CUX1: variants seen among roughly 807,000 people sequenced by gnomAD.
CUX1 encodes the protein protein CASP.
CUX1 carries 31 observed loss-of-function variants against 158.8 expected under a neutral mutation model. That is an observed-to-expected ratio of 0.20 (90% CI 0.15 to 0.26). The LOEUF is 0.26. Ranked by LOEUF, CUX1 falls within the 10% of genes least tolerant of loss-of-function variation. The pLI is 1.00. For missense variants in CUX1, 1,589 were observed against 2,014.6 expected, an observed-to-expected ratio of 0.79 and a Z score of 4.04; for synonymous variants, 879 against 862.1, an observed-to-expected ratio of 1.02 and a Z score of -0.34.
intron 2 of CUX1, among the ~76,000 whole-genome samples, chr7:101,944,784 C>T (rs987420397): frequency 1.7e-4 from 26 of 152,086 alleles, no homozygotes; most frequent in Non-Finnish European, 7.4e-5. Context: ...AGACCTGCAG[C>T]GGTCACCTCG....
intron 8 of CUX1, among the ~76,000 whole-genome samples, chr7:102,132,605 T>C (rs1309302398): frequency 2.6e-5 from 4 of 151,904 alleles, no homozygotes; most frequent in Non-Finnish European, 5.9e-5. Context: ...AGTTCCGCCT[T>C]CTTGCAACAT....
intron 14 of CUX1, among the ~76,000 whole-genome samples, chr7:102,272,349 TC>T (rs782170771): frequency 2.0e-5 from 3 of 152,146 alleles, no homozygotes; most frequent in Non-Finnish European, 2.9e-5. Context: ...ACATACCATT[TC>T]CCTGGCACTG....
At chr7:102,016,787 A>G (rs1233566898) in intron 2 of CUX1, among the ~76,000 whole-genome samples, 1 of 152,204 alleles carries the variant, frequency 6.6e-6, no homozygotes, top group Non-Finnish European at 1.5e-5. Flanking sequence ...ATTCTTACGG[A>G]TAGACTCCTG....
intron 1 of CUX1, among the ~76,000 whole-genome samples, chr7:101,914,683 C>G (rs561544226): frequency 4.0e-5 from 6 of 151,758 alleles, no homozygotes; most frequent in Admixed American, 2.0e-4. Context: ...ATTTTTAGTA[C>G]AGACAGGGTT....
chr7:102,213,549 C>T (rs1554523764), intron 20 of CUX1, among the ~76,000 whole-genome samples: 1 of 152,214 alleles, frequency 6.6e-6, no homozygotes, highest in Non-Finnish European at 1.5e-5. Context: ...TGAAAAGGCC[C>T]GACAGGCCCA....
intron 3 of CUX1, among the ~76,000 whole-genome samples, chr7:102,050,044 C>T (rs1003895935): frequency 2.9e-4 from 44 of 152,276 alleles, no homozygotes; most frequent in African/African-American, 1.1e-3. Flanking sequence ...GGAGCAGACT[C>T]CCGGGGTGTA....
rs145408393 is a variant in CUX1, at chr7:102,201,667, C to T, written c.2370C>T (p.Asp790=). ...CGGCCCTCAAAAAGGAGGCCCAGGACGCCCCCGGGCTGGACCCCCAGGGAG... is the reference window on the plus strand; with the variant it reads ...CGGCCCTCAAAAAGGAGGCCCAGGATGCCCCCGGGCTGGACCCCCAGGGAG... ...NPPALKKEAQ[D]APGLDPQGAA... Residue 790 remains aspartate (D), a synonymous_variant, in exon 18 of 24, where the codon GAC becomes GAT. Transcript: ENST00000292535. The surrounding 1 kb of genome is among the most constrained non-coding windows in gnomAD (Gnocchi z 5.0). The T allele has an allele frequency of 2.4e-5, 39 of 1,612,870 alleles. No homozygotes were observed. Among genetic ancestry groups the T allele is most frequent in the African/African-American group, 1.2e-4 (9 of 74,932 alleles).
chr7:102,065,579 T>C (rs1020216353), intron 3 of CUX1, among the ~76,000 whole-genome samples: 5 of 152,184 alleles, frequency 3.3e-5, no homozygotes, highest in African/African-American at 1.2e-4. Flanking sequence ...AGAAACCTCA[T>C]GGTCCATTTG....
Position 102,249,025 on chromosome 7 carries a change from A to G in CUX1, c.4501A>G (p.Ile1501Val). The change falls in exon 24 of 24, where the codon ATC (isoleucine) becomes GTC (valine). Residue 1501 changes from isoleucine to valine, a missense_variant. Physicochemically the swap from Ile to Val is conservative, Grantham distance 29. Around this residue, in one of 8 missense-constraint regions of CUX1, gnomAD observed 344 missense variants for 323.7 expected, o/e 1.06. Coordinates refer to ENST00000292535, the MANE Select transcript of CUX1 (RefSeq NM_181552.4). Reference protein sequence around the residue: ...LEKAASREEPIEWEF With the variant: ...LEKAASREEPVEWEF Reference sequence around the variant, plus strand: ...GAAGGCCGCCAGCCGGGAGGAACCTATCGAATGGGAGTTCTGAGGGGCCGC... The same window carrying G: ...GAAGGCCGCCAGCCGGGAGGAACCTGTCGAATGGGAGTTCTGAGGGGCCGC... The G allele has an allele frequency of 7.3e-7, 1 of 1,367,084 alleles. No homozygotes were observed. The highest frequency in any genetic ancestry group is 1.6e-5 in the South Asian group (1 of 62,464). 84.7% of individuals were successfully genotyped at this position (1,367,084 alleles called of 1,614,324 possible).
intron 3 of CUX1, among the ~76,000 whole-genome samples, chr7:102,067,226 TAA>T (rs1316068089): frequency 8.0e-6 from 1 of 125,100 alleles, no homozygotes; most frequent in Non-Finnish European, 1.6e-5. Context: ...GCATTTCATG[TAA>T]CTTTTTTTTT....
intron 2 of CUX1, among the ~76,000 whole-genome samples, chr7:101,970,057 C>T (rs977000382): frequency 8.6e-5 from 13 of 151,622 alleles, no homozygotes; most frequent in African/African-American, 3.2e-4. Context: ...TATTCCCTCC[C>T]AGGGCATAAT....
intron 3 of CUX1, among the ~76,000 whole-genome samples, chr7:102,063,306 G>T (rs1209580381): frequency 6.6e-6 from 1 of 151,926 alleles, no homozygotes. Flanking sequence ...CCAGCCAAGT[G>T]GCTGTCATCA....
intron 8 of CUX1, among the ~76,000 whole-genome samples, chr7:102,142,738 A>G (rs1834599003): frequency 6.6e-6 from 1 of 151,988 alleles, no homozygotes; most frequent in African/African-American, 2.4e-5. Flanking sequence ...CCTGGCCAAC[A>G]TAGTGAGACC....
intron 20 of CUX1, among the ~76,000 whole-genome samples, chr7:102,214,202 G>A (rs1796822026): frequency 6.6e-6 from 1 of 152,042 alleles, no homozygotes; most frequent in African/African-American, 2.4e-5. Context: ...CCAAGGCTCA[G>A]AGATAAAAGG....
At chr7:102,138,693 A>G (rs556661619) in intron 8 of CUX1, among the ~76,000 whole-genome samples, 42 of 152,304 alleles carry the variant, frequency 2.8e-4, no homozygotes, top group Admixed American at 2.4e-3. Context: ...TGGACCTACA[A>G]ATTCCTGCTG....
chr7:102,253,746 T>C lies in CUX1; in HGVS notation c.*4704T>C. On this transcript the variant is annotated 3_prime_UTR_variant, in exon 24 of 24. Coordinates refer to ENST00000292535, the MANE Select transcript of CUX1 (RefSeq NM_181552.4). ...AAAAACAAAAGCCCATAGACCTTAC[T>C]CATCCCAAGGCCGACAAGCCAGCTG... is the stretch of plus-strand genomic sequence containing the variant. 1.0e-6 allele frequency: 1 copy of C among 985,436 alleles called. No individual in the cohort carries two copies. The allele number at this position is 985,436 out of a possible 1,614,324, so 61.0% of individuals were successfully genotyped here. A position where few individuals can be genotyped will look rare whatever the true frequency, so the allele number is the denominator to read the frequency against.
At chr7:102,177,383 C>T in intron 10 of CUX1, among the ~76,000 whole-genome samples, 1 of 148,762 alleles carries the variant, frequency 6.7e-6, no homozygotes, top group African/African-American at 2.5e-5. Flanking sequence ...CACTGCACTC[C>T]AGCCTGGGCG....
At chr7:101,920,834 G>A (rs568595663) in intron 2 of CUX1, among the ~76,000 whole-genome samples, 2 of 152,242 alleles carry the variant, frequency 1.3e-5, no homozygotes, top group African/African-American at 4.8e-5. Flanking sequence ...GCGGTGGAGT[G>A]TTTCTAGGGT....
At chr7:102,282,987 A>G in intron 22 of CUX1, 1 of 1,475,132 alleles carries the variant, frequency 6.8e-7, no homozygotes, top group South Asian at 1.1e-5. Flanking sequence ...CAACACACAC[A>G]CTCGGCCTCA....
Sources: allele counts gnomAD v4.1 joint callset (sites outside exome capture counted in the v4.1 genomes callset), GRCh38; gene constraint gnomAD v4.1.1; regional missense constraint gnomAD v4.1.1; non-coding constraint Gnocchi (gnomAD v3.1); transcripts MANE v1.5; gene names NCBI Gene and HGNC (gene_info 2026-07-23, HGNC 2026-07-21).